Variants in STK39 observed in about 807,000 individuals in gnomAD.
STK39 encodes serine/threonine kinase 39, also known as STE20/SPS1-related proline-alanine-rich protein kinase.
Under a neutral mutation model 77.8 loss-of-function variants are expected in STK39, and 20 were observed. The ratio of observed to expected loss-of-function variants is 0.26; its 90% CI spans 0.18 to 0.37. STK39 has a LOEUF of 0.37. Among genes scored for constraint, STK39 ranks in the 10% least tolerant of loss-of-function variants. STK39 has a pLI of 1.00. For missense variants in STK39, 479 were observed against 656.5 expected, an observed-to-expected ratio of 0.73 and a Z score of 2.95; for synonymous variants, 246 against 234.1, an observed-to-expected ratio of 1.05 and a Z score of -0.47.
rs138058052 is a variant in STK39, at chr2:168,174,419, G to A, written c.322-7012C>T. Among the ~76,000 whole-genome samples, 1,032 of 152,252 alleles carry A rather than the reference G, an allele frequency of 6.8e-3. 13 individuals are homozygous for A. The highest frequency in any genetic ancestry group is 0.023 in the African/African-American group (969 of 41,520). On this transcript the variant is annotated intron_variant, in intron 2 of 17. Coordinates refer to ENST00000355999, the MANE Select transcript of STK39 (RefSeq NM_013233.3). The stretch of plus-strand genomic sequence containing the variant: ...CTAAAAAATTAAAATTCGCTTGGAA[G>A]TGAAGAAGCCACTTATTTTTTTCAA...
intron 10 of STK39, among the ~76,000 whole-genome samples, chr2:168,123,235 A>G (rs1315237020): frequency 1.3e-5 from 2 of 152,256 alleles, no homozygotes; most frequent in Non-Finnish European, 2.9e-5. Flanking sequence ...AAAAGAGACT[A>G]CAGGAGGTGT....
chr2:168,105,450 C>T (rs2105459347), intron 10 of STK39, among the ~76,000 whole-genome samples: 1 of 152,280 alleles, frequency 6.6e-6, no homozygotes, highest in Admixed American at 6.5e-5. Context: ...AGGCAGGCTC[C>T]CTTGTTTCAG....
intron 13 of STK39, among the ~76,000 whole-genome samples, chr2:168,064,781 C>G (rs926786676): frequency 2.0e-5 from 3 of 152,210 alleles, no homozygotes; most frequent in African/African-American, 7.2e-5. Flanking sequence ...TTCTATGCCC[C>G]TAGGCCTTTC....
intron 16 of STK39, among the ~76,000 whole-genome samples, chr2:168,009,526 G>A (rs73026997): frequency 0.1 from 15,148 of 152,102 alleles, 2,551 homozygotes; most frequent in African/African-American, 0.34. Context: ...AGACCCAAGC[G>A]CAAGGAACAT....
At chr2:168,139,652 G>A (rs537926764) in intron 7 of STK39, among the ~76,000 whole-genome samples, 14 of 152,184 alleles carry the variant, frequency 9.2e-5, no homozygotes, top group Admixed American at 9.2e-4. Context: ...CATACTCTAT[G>A]TAAAATAGCA....
intron 5 of STK39, among the ~76,000 whole-genome samples, chr2:168,141,983 T>A (rs957139839): frequency 1.3e-5 from 2 of 152,234 alleles, no homozygotes; most frequent in African/African-American, 4.8e-5. Flanking sequence ...CCCAACAGGA[T>A]TTCAACTACA....
intron 1 of STK39, among the ~76,000 whole-genome samples, chr2:168,186,645 A>C (rs976899181): frequency 1.3e-5 from 2 of 152,244 alleles, no homozygotes. Flanking sequence ...CTTAATGGGC[A>C]TAATAAAATA....
chr2:168,192,977 T>A (rs964196504), intron 1 of STK39, among the ~76,000 whole-genome samples: 1 of 152,106 alleles, frequency 6.6e-6, no homozygotes. Context: ...TGACAACTTT[T>A]ATATGGTAAT....
intron 10 of STK39, among the ~76,000 whole-genome samples, chr2:168,094,341 G>C (rs760617961): frequency 9.2e-5 from 14 of 152,238 alleles, no homozygotes; most frequent in Admixed American, 2.6e-4. Flanking sequence ...TTGTCTTTGT[G>C]CATTTTCAAT....
intron 1 of STK39, 138 bp downstream of exon 1, chr2:168,247,086 AAAAC>A: frequency 3.3e-6 from 1 of 300,960 alleles, no homozygotes; most frequent in African/African-American, 2.3e-5. Context: ...AAAAAAAAAA[AAAAC>A]TGTTGAAGCC....
At chr2:168,231,369 TAAC>T (rs1443319074) in intron 1 of STK39, among the ~76,000 whole-genome samples, 2 of 152,028 alleles carry the variant, frequency 1.3e-5, no homozygotes, top group African/African-American at 2.4e-5. Flanking sequence ...GTTAACATAA[TAAC>T]AACAGAAAGG....
intron 17 of STK39, among the ~76,000 whole-genome samples, chr2:167,961,869 C>T (rs902453335): frequency 2.6e-4 from 40 of 152,178 alleles, no homozygotes; most frequent in African/African-American, 9.7e-4. Context: ...TAAAACAGGA[C>T]CCATTTCACA....
At chr2:168,242,594 T>TATATATAC (rs1558894043) in intron 1 of STK39, among the ~76,000 whole-genome samples, 1 of 93,984 alleles carries the variant, frequency 1.1e-5, no homozygotes, top group African/African-American at 4.2e-5. Context: ...TATATATATA[T>TATATATAC]ATAAAGAGGC....
chr2:168,190,116 C>T (rs1689303339), intron 1 of STK39, among the ~76,000 whole-genome samples: 1 of 152,142 alleles, frequency 6.6e-6, no homozygotes, highest in African/African-American at 2.4e-5. Flanking sequence ...CGGTCTCCTC[C>T]GGCCTTATTA....
rs1213165113 is a variant in STK39 at position 168,210,390 on chromosome 2, A to C, written c.209-28300T>G. Among the ~76,000 whole-genome samples the C allele has an allele frequency of 2.0e-5, 3 of 152,204 alleles. No individual in the cohort carries two copies. The East Asian group carries it at 5.8e-4, about 29-fold the overall frequency. Reference sequence around the variant, plus strand: ...GGCTCAGAGAATTGCTATGAAAGAAAATATGTTGTGGTTTCATTAAAATTT... The same window carrying C: ...GGCTCAGAGAATTGCTATGAAAGAACATATGTTGTGGTTTCATTAAAATTT... On this transcript the variant is annotated intron_variant, in intron 1 of 17. Coordinates refer to ENST00000355999, the MANE Select transcript of STK39 (RefSeq NM_013233.3).
chr2:168,167,511 G>T, intron 2 of STK39, 104 bp from the exon 3 acceptor site: 1 of 941,700 alleles, frequency 1.1e-6, no homozygotes, highest in Non-Finnish European at 1.7e-6. Context: ...CTACTCGAAA[G>T]CCTACCTGAG....
At chr2:167,994,316 A>T (rs1245620075) in intron 16 of STK39, among the ~76,000 whole-genome samples, 1 of 152,192 alleles carries the variant, frequency 6.6e-6, no homozygotes, top group Non-Finnish European at 1.5e-5. Flanking sequence ...AATAATACTC[A>T]TGATGTAGTT....
chr2:168,163,132 A>G (rs1010184169), intron 4 of STK39, among the ~76,000 whole-genome samples: 1 of 152,216 alleles, frequency 6.6e-6, no homozygotes, highest in Non-Finnish European at 1.5e-5. Context: ...TTTACTTGCA[A>G]TAATTCCTAA....
intron 12 of STK39, among the ~76,000 whole-genome samples, chr2:168,068,087 A>G (rs1387040822): frequency 6.6e-6 from 1 of 152,208 alleles, no homozygotes; most frequent in Non-Finnish European, 1.5e-5. Context: ...TTACGAGAAC[A>G]GTATAGGAAA....
Sources: gnomAD v4.1 joint callset for allele counts (sites outside exome capture counted in the v4.1 genomes callset) on GRCh38, gnomAD v4.1.1 for gene constraint, MANE v1.5 for transcripts, NCBI Gene and HGNC (gene_info 2026-07-23, HGNC 2026-07-21) for gene names.